Variants in LCP2 observed in about 807,000 individuals in gnomAD.
LCP2 encodes 76 kDa tyrosine phosphoprotein.
Under a neutral mutation model 74.5 loss-of-function variants are expected in LCP2, and 29 were observed. The observed-to-expected ratio is 0.39, with a 90% confidence interval of 0.29 to 0.53. LCP2 has a LOEUF of 0.53. Ranked by LOEUF, LCP2 falls within the 20% of genes least tolerant of loss-of-function variation. LCP2 has a pLI of 0.72. For missense variants in LCP2, 604 were observed against 634.6 expected (o/e 0.95, Z 0.52); for synonymous variants, 228 against 229.5 (o/e 0.99, Z 0.06).
intron 4 of LCP2, chr5:170,275,570 T>C (rs112519374): frequency 4.7e-6 from 3 of 642,992 alleles, no homozygotes; most frequent in Non-Finnish European, 8.1e-6. Context: ...AGCTCATGAC[T>C]GTCTGATGCT....
chr5:170,263,441 C>T (rs1056931607), intron 10 of LCP2, among the ~76,000 whole-genome samples: 4 of 152,170 alleles, frequency 2.6e-5, no homozygotes, highest in Non-Finnish European at 5.9e-5. Flanking sequence ...CTGTGAAACA[C>T]TTGATATTAA....
intron 3 of LCP2, among the ~76,000 whole-genome samples, chr5:170,279,975 G>T (rs68157621): frequency 0.27 from 41,271 of 151,422 alleles, 6,671 homozygotes; most frequent in African/African-American, 0.42. Flanking sequence ...AGAGAGAGAG[G>T]GGGGAAGGGA....
chr5:170,267,380 C>T, intron 8 of LCP2: 1 of 464,610 alleles, frequency 2.2e-6, no homozygotes, highest in Non-Finnish European at 3.9e-6. Context: ...CTGAGCTGGC[C>T]CATGTCTGCC....
chr5:170,258,659 T>C (rs1474517795), intron 15 of LCP2, among the ~76,000 whole-genome samples: 1 of 152,252 alleles, frequency 6.6e-6, no homozygotes, highest in Non-Finnish European at 1.5e-5. Flanking sequence ...CTGTTACACA[T>C]GAATTTAGTC....
At position 170,248,571 on chromosome 5, in the gene LCP2, T is replaced by A; in HGVS notation, c.*126A>T. The A allele has an allele frequency of 1.0e-6, 1 of 961,740 alleles. No individual in the cohort carries two copies. Among genetic ancestry groups the A allele is most frequent in the Non-Finnish European group, 1.6e-6 (1 of 623,340 alleles). The allele number at this position is 961,740 out of a possible 1,614,324, so 59.6% of individuals were successfully genotyped here. A position where few individuals can be genotyped will look rare whatever the true frequency, so the allele number is the denominator to read the frequency against. On this transcript the variant is annotated 3_prime_UTR_variant, in exon 21 of 21. Coordinates refer to ENST00000046794, the MANE Select transcript of LCP2 (RefSeq NM_005565.5). ...CAAACACTGTTTTTAAAGGAAAGGA[T>A]AAAACCCTTGTGTTCATGGGGAGGG...
intron 17 of LCP2, among the ~76,000 whole-genome samples, chr5:170,253,508 T>TA (rs1187281741): frequency 1.3e-5 from 2 of 152,164 alleles, no homozygotes; most frequent in Non-Finnish European, 2.9e-5. Context: ...GATCCCTTTA[T>TA]AAAAAAATTC....
rs1483356698 is a variant in LCP2 at position 170,297,583 on chromosome 5, G to A, written c.29C>T (p.Ser10Leu). 1 of 1,612,784 alleles carries A rather than the reference G, an allele frequency of 6.2e-7. No individual in the cohort carries two copies. The highest frequency in any genetic ancestry group is 8.5e-7 in the Non-Finnish European group (1 of 1,179,410). ...GTCGGGGTCCCAGCCCAGGACCTCT[G>A]AGCGAAAGGGCACATTCCTCAGTGC... MALRNVPFR[S>L]EVLGWDPDSL... The change falls in exon 1 of 21, where the codon TCA becomes TTA. Residue 10 changes from serine (S) to leucine (L), a missense_variant. Coordinates refer to ENST00000046794, the MANE Select transcript of LCP2 (RefSeq NM_005565.5).
chr5:170,267,229 T>G (rs899988193), intron 8 of LCP2, 154 bp from the exon 9 acceptor site: 1 of 722,764 alleles, frequency 1.4e-6, no homozygotes, highest in Non-Finnish European at 2.4e-6. Flanking sequence ...CGCAGTAGCC[T>G]CCTATCTGAG....
chr5:170,255,174 G>A (rs1761527675), intron 17 of LCP2, among the ~76,000 whole-genome samples: 1 of 152,142 alleles, frequency 6.6e-6, no homozygotes, highest in Non-Finnish European at 1.5e-5. Flanking sequence ...ATTAGGGGTT[G>A]GGCGAGAAAC....
chr5:170,264,335 A>G (rs1761710607), intron 10 of LCP2, among the ~76,000 whole-genome samples: 1 of 152,246 alleles, frequency 6.6e-6, no homozygotes, highest in Admixed American at 6.5e-5. Flanking sequence ...GATATGGTCC[A>G]TGTGGGCTGA....
chr5:170,287,172 G>A (rs1762196316), intron 3 of LCP2, among the ~76,000 whole-genome samples: 1 of 152,148 alleles, frequency 6.6e-6, no homozygotes, highest in Non-Finnish European at 1.5e-5. Context: ...CCAACAATGA[G>A]GCTTTGCGAT....
At chr5:170,283,321 C>T (rs1762134119) in intron 3 of LCP2, among the ~76,000 whole-genome samples, 1 of 152,198 alleles carries the variant, frequency 6.6e-6, no homozygotes. Context: ...AAACCATTTC[C>T]CACCCCTACC....
At position 170,287,005 on chromosome 5, in the gene LCP2, A is replaced by T. The variant is rs144097883; in HGVS notation, c.188+965T>A. Among the ~76,000 whole-genome samples, 518 of 152,392 alleles carry T rather than the reference A, an allele frequency of 3.4e-3. 1 individual carries two copies. Among genetic ancestry groups the T allele is most frequent in the African/African-American group, 0.012 (487 of 41,598 alleles). On this transcript the variant is annotated intron_variant, in intron 3 of 20. Coordinates refer to ENST00000046794, the MANE Select transcript of LCP2 (RefSeq NM_005565.5). ...TGAGCCAATGTTTAAAAATGGAGAT[A>T]TAGCACATGAAACCCATATTTCTAG...
chr5:170,268,525 C>T, intron 7 of LCP2, 43 bp from the exon 8 acceptor site: 1 of 223,776 alleles, frequency 4.5e-6, no homozygotes, highest in Non-Finnish European at 1.0e-5. Flanking sequence ...GGAGTATCGG[C>T]CAAGCTCAGG....
intron 2 of LCP2, among the ~76,000 whole-genome samples, chr5:170,288,824 G>C (rs1024609779): frequency 2.6e-5 from 4 of 152,118 alleles, no homozygotes; most frequent in Admixed American, 2.6e-4. Context: ...TCCTTTTGAC[G>C]GCCCCTGTGG....
At position 170,257,927 on chromosome 5, in the gene LCP2, CCTA is replaced by C. The variant is rs915804693; in HGVS notation, c.1100+107_1100+109del. 4.1e-6 allele frequency: 5 copies of C among 1,225,042 alleles called. No homozygotes were observed. The African/African-American group carries it at 7.5e-5, about 18-fold the overall frequency. 75.9% of individuals were successfully genotyped at this position (1,225,042 alleles called of 1,614,324 possible). On this transcript the variant is annotated intron_variant, in intron 16 of 20. Coordinates refer to ENST00000046794, the MANE Select transcript of LCP2 (RefSeq NM_005565.5). The stretch of plus-strand genomic sequence containing the variant: ...GTCTTAAGACCCAAAATGTTCAGAC[CCTA>C]CTATCTACCCGTCATTTCCTTCTTT...
chr5:170,274,726 T>C (rs376817962), intron 5 of LCP2, among the ~76,000 whole-genome samples: 45 of 152,156 alleles, frequency 3.0e-4, no homozygotes, highest in Middle Eastern at 3.4e-3. Context: ...ACTGTAATCC[T>C]AGCACTTTGG....
chr5:170,295,760 A>C (rs1762368076), intron 1 of LCP2, among the ~76,000 whole-genome samples: 1 of 152,190 alleles, frequency 6.6e-6, no homozygotes, highest in African/African-American at 2.4e-5. Context: ...AAGTCTGTGG[A>C]GGGACTAGAA....
chr5:170,262,715 A>T lies in LCP2; in HGVS notation c.846T>A (p.Ile282=), dbSNP rs761440806. The change falls in exon 13 of 21, where the codon ATT becomes ATA. Residue 282 remains isoleucine (I), a synonymous_variant. Transcript: ENST00000046794. ...TGGTCGGTGGTAAAGGAGGCTTTTG[A>T]ATCTTGGGTAAATGCTCCCCGAGTG... ...GRSLGEHLPK[I]QKPPLPPTTE... 1 of 1,613,978 alleles carries T rather than the reference A, an allele frequency of 6.2e-7. No homozygotes were observed. The highest frequency in any genetic ancestry group is 1.1e-5 in the South Asian group (1 of 91,082).
Sources: gnomAD v4.1 joint callset for allele counts (sites outside exome capture counted in the v4.1 genomes callset) on GRCh38, gnomAD v4.1.1 for gene constraint, MANE v1.5 for transcripts, NCBI Gene and HGNC (gene_info 2026-07-23, HGNC 2026-07-21) for gene names.